MYBBP1A: variants seen among roughly 807,000 people sequenced by gnomAD.
MYBBP1A encodes the protein MYB binding protein 1a.
A neutral mutation model predicts 136.3 loss-of-function variants in MYBBP1A; 147 were observed. That is an observed-to-expected ratio of 1.08 (90% CI 0.94 to 1.24). The LOEUF (loss-of-function observed/expected upper bound fraction) is 1.24. Among genes scored for constraint, MYBBP1A ranks in the 50% most tolerant of loss-of-function variants. MYBBP1A has a pLI of 0.00. For synonymous variants in MYBBP1A, 947 were observed against 735.8 expected, an observed-to-expected ratio of 1.29 and a Z score of -4.65; for missense variants, 2,060 against 1,727.4, an observed-to-expected ratio of 1.19 and a Z score of -3.41.
chr17:4,554,310 G>T (rs1175256864), intron 2 of MYBBP1A, 32 bp from the exon 3 acceptor site: 4 of 1,590,136 alleles, frequency 2.5e-6, no homozygotes, highest in Non-Finnish European at 3.4e-6. Flanking sequence ...GAGGAAGAGG[G>T]TTCAGGAGAG....
intron 17 of MYBBP1A, 27 bp downstream of exon 17, chr17:4,544,999 G>GCCCCCCCC (rs759908303): frequency 2.4e-5 from 12 of 498,354 alleles, no homozygotes; most frequent in African/African-American, 9.7e-5. Flanking sequence ...CTCCCCGGCC[G>GCCCCCCCC]CCCCCCCCTC....
chr17:4,550,438 A>G (rs1228358654), intron 8 of MYBBP1A, 85 bp from the exon 9 acceptor site: 1 of 1,368,920 alleles, frequency 7.3e-7, no homozygotes, highest in Non-Finnish European at 1.0e-6. Context: ...GCAGGCGGGC[A>G]ACAGCCCAAC....
At position 4,554,904 on chromosome 17, in the gene MYBBP1A, CCGACCCCGAGTCCCG is replaced by C; in HGVS notation, c.236_250del (p.Thr79_Gly84delinsArg). On this transcript the variant is annotated inframe_deletion, in exon 2 of 26. Coordinates refer to ENST00000254718, the MANE Select transcript of MYBBP1A (RefSeq NM_014520.4). ...GTAGCAGGGCCGGGCTGTTTCTCGC[CCGACCCCGAGTCCCG>C]TGATTAGACGCTTCAGGGCATATTT... 6.2e-7 allele frequency: 1 copy of C among 1,613,554 alleles called. No individual in the cohort carries two copies. Among genetic ancestry groups the C allele is most frequent in the South Asian group, 1.1e-5 (1 of 91,082 alleles).
rs144551824 is a variant in MYBBP1A at position 4,545,666 on chromosome 17, C to A, written c.2017G>T (p.Val673Leu). ...AGGTGGGAGCAGATGTGGCCAAACA[C>A]GCTCCGGGCCACCTGGCGCATGAGG... is the stretch of plus-strand genomic sequence containing the variant. ...SHLMRQVARS[V>L]FGHICSHLTP... Residue 673 changes from valine (V) to leucine (L), a missense_variant, in exon 15 of 26, where the codon GTG becomes TTG. Coordinates refer to ENST00000254718, the MANE Select transcript of MYBBP1A (RefSeq NM_014520.4). 4 of 1,611,308 alleles carry A rather than the reference C, an allele frequency of 2.5e-6. No individual in the cohort carries two copies. The highest frequency in any genetic ancestry group is 1.7e-6 in the Non-Finnish European group (2 of 1,178,192).
chr17:4,544,379 C>G, intron 19 of MYBBP1A, 110 bp downstream of exon 19: 1 of 1,427,036 alleles, frequency 7.0e-7, no homozygotes, highest in Non-Finnish European at 9.4e-7. Flanking sequence ...GGGGCCCAGG[C>G]TGGAAGCTTG....
chr17:4,549,832 C>T (rs1033343213), intron 9 of MYBBP1A, among the ~76,000 whole-genome samples: 4 of 151,074 alleles, frequency 2.6e-5, no homozygotes, highest in Non-Finnish European at 5.9e-5. Context: ...ACAGGACATT[C>T]CTTTGCCTGA....
At chr17:4,553,295 G>C (rs533029981) in intron 5 of MYBBP1A, among the ~76,000 whole-genome samples, 73 of 152,300 alleles carry the variant, frequency 4.8e-4, no homozygotes, top group Non-Finnish European at 7.5e-4. Flanking sequence ...CTTTCTCTTC[G>C]GTGACAAAAG....
In MYBBP1A at chr17:4,554,183, C is replaced by A; in HGVS notation, c.378+12G>T. 2.5e-6 allele frequency: 4 copies of A among 1,613,898 alleles called. No individual in the cohort carries two copies. The highest frequency in any genetic ancestry group is 3.4e-6 in the Non-Finnish European group (4 of 1,179,892). ...CCCCTGGGGCTGCTGACCTCCCTGG[C>A]CCCACTCTCACCTTCTTCACCTGAT... On this transcript the variant is annotated intron_variant, in intron 3 of 25. Transcript: ENST00000254718.
intron 9 of MYBBP1A, 82 bp downstream of exon 9, chr17:4,549,976 G>A (rs1907357511): frequency 2.1e-6 from 3 of 1,454,830 alleles, no homozygotes; most frequent in Non-Finnish European, 2.8e-6. Flanking sequence ...GGACGCTGTG[G>A]AGGGCGGGCT....
intron 8 of MYBBP1A, 62 bp downstream of exon 8, chr17:4,551,818 T>A: frequency 2.7e-6 from 4 of 1,478,588 alleles, no homozygotes; most frequent in Non-Finnish European, 3.8e-6. Flanking sequence ...CTCCCCTTTT[T>A]GGCAGGGAGA....
rs773722229 is a variant in MYBBP1A at position 4,544,804 on chromosome 17, C to T, written c.2428G>A (p.Glu810Lys). 9.4e-5 allele frequency: 150 copies of T among 1,600,804 alleles called. No homozygotes were observed. Among genetic ancestry groups the T allele is most frequent in the Middle Eastern group, 8.3e-4 (5 of 6,046 alleles). The change falls in exon 18 of 26, where the codon GAG becomes AAG. Residue 810 changes from glutamate to lysine, a missense_variant. Physicochemically the swap from Glu to Lys is moderately conservative, Grantham distance 56. Transcript: ENST00000254718. Reference sequence around the variant, plus strand: ...TTCTCCTTCTGCAGCTTGTTCTTCTCGTCTCGCCGGGCCTGGATACGCAGC... The same window carrying T: ...TTCTCCTTCTGCAGCTTGTTCTTCTTGTCTCGCCGGGCCTGGATACGCAGC... ...QKLRIQARRD[E>K]KNKLQKEKAL... is the part of the protein sequence containing the mutation.
At chr17:4,546,267 TACC>T (rs1907004373) in intron 13 of MYBBP1A, among the ~76,000 whole-genome samples, 1 of 152,166 alleles carries the variant, frequency 6.6e-6, no homozygotes. Flanking sequence ...TGCAGGCGTG[TACC>T]ACCATGCCCG....
chr17:4,539,202 G>T lies in MYBBP1A; in HGVS notation c.*213C>A. Reference sequence around the variant, plus strand: ...CCAGGGTCCCAGCCCAGAACCGGGGGTGGGGAGGTCTCTGCACCCTGGGAC... The same window carrying T: ...CCAGGGTCCCAGCCCAGAACCGGGGTTGGGGAGGTCTCTGCACCCTGGGAC... On this transcript the variant is annotated 3_prime_UTR_variant, in exon 26 of 26. Coordinates refer to ENST00000254718, the MANE Select transcript of MYBBP1A (RefSeq NM_014520.4). 1 of 1,453,932 alleles carries T rather than the reference G, an allele frequency of 6.9e-7. No individual in the cohort carries two copies. The highest frequency in any genetic ancestry group is 9.0e-7 in the Non-Finnish European group (1 of 1,113,038). The allele number at this position is 1,453,932 out of a possible 1,614,324, so 90.1% of individuals were successfully genotyped here.
At chr17:4,540,050 C>G in intron 25 of MYBBP1A, 83 bp from the exon 26 acceptor site, 1 of 1,477,114 alleles carries the variant, frequency 6.8e-7, no homozygotes, top group East Asian at 2.3e-5. Flanking sequence ...CACCTGGATT[C>G]TGAGGGTCCT....
chr17:4,547,844 A>G, intron 13 of MYBBP1A, 114 bp downstream of exon 13: 1 of 914,306 alleles, frequency 1.1e-6, no homozygotes, highest in Non-Finnish European at 1.5e-6. Context: ...TCCCAACTTA[A>G]CTCCCCCAGA....
Position 4,545,960 on chromosome 17 carries a change from C to T in MYBBP1A, c.1825-18G>A. On this transcript the variant is annotated intron_variant, in intron 13 of 25. Coordinates refer to ENST00000254718, the MANE Select transcript of MYBBP1A (RefSeq NM_014520.4). ...GCAGGGGACTGCGGGCAGGGTAGGACACACACTGGGGCCAGGCCCTGTCCC... is the reference window on the plus strand; with the variant it reads ...GCAGGGGACTGCGGGCAGGGTAGGATACACACTGGGGCCAGGCCCTGTCCC... The T allele has an allele frequency of 6.2e-7, 1 of 1,609,270 alleles. No homozygotes were observed. The highest frequency in any genetic ancestry group is 1.1e-5 in the South Asian group (1 of 90,588).
In MYBBP1A at chr17:4,552,802, G is replaced by A. The variant is rs145938072; in HGVS notation, c.562-176C>T. On this transcript the variant is annotated intron_variant, in intron 5 of 25. Transcript: ENST00000254718. This position sits in a 1 kb window ranked among gnomAD's most constrained non-coding sequence, Gnocchi z 4.7. ...GGTTTTTGACAAGCATCCCACTGAC[G>A]CTAACTGGCCCCTGGAGGTACCTGC... Among the ~76,000 whole-genome samples the A allele has an allele frequency of 2.4e-3, 355 of 150,706 alleles. 4 individuals carry two copies. In the East Asian group the frequency reaches 0.03, roughly 13 times the overall value.
In MYBBP1A at chr17:4,552,508, G is replaced by A. The variant is rs192014005; in HGVS notation, c.680C>T (p.Ser227Phe). 1.2e-6 allele frequency: 2 copies of A among 1,613,944 alleles called. No homozygotes were observed. The highest frequency in any genetic ancestry group is 2.2e-5 in the East Asian group (1 of 44,894). ...GGATCCCACCAGCTTCTTGAGCTTG[G>A]AGGGCACCTTCTGCTGGGCCAGGAG... is the stretch of plus-strand genomic sequence containing the variant. ...LFLLAQQKVPSKLKKLVGSVN... is the reference protein window; with the variant it reads ...LFLLAQQKVPFKLKKLVGSVN... Residue 227 changes from serine (S) to phenylalanine (F), a missense_variant, in exon 6 of 26, where the codon TCC (serine) becomes TTC (phenylalanine). Physicochemically the swap from Ser to Phe is radical, Grantham distance 155. Transcript: ENST00000254718. The surrounding 1 kb of genome is among the most constrained non-coding windows in gnomAD (Gnocchi z 4.7).
intron 9 of MYBBP1A, 66 bp downstream of exon 9, chr17:4,549,992 C>G: frequency 6.6e-7 from 1 of 1,525,300 alleles, no homozygotes; most frequent in Non-Finnish European, 8.8e-7. Flanking sequence ...GGGCTTGGGT[C>G]GCGGGGCTCT....
Sources: gnomAD v4.1 joint callset for allele counts (sites outside exome capture counted in the v4.1 genomes callset) on GRCh38, gnomAD v4.1.1 for gene constraint, Gnocchi (gnomAD v3.1) non-coding constraint, MANE v1.5 for transcripts, NCBI Gene and HGNC (gene_info 2026-07-23, HGNC 2026-07-21) for gene names.